The following CTNNA3 variants were observed in gnomAD, a reference collection of about 807,000 sequenced individuals.
CTNNA3 encodes the protein catenin alpha 3, also known as catenin alpha-3.
CTNNA3 carries 76 observed loss-of-function variants against 95.7 expected under a neutral mutation model. The observed-to-expected ratio is 0.79, with a 90% CI of 0.66 to 0.96. The LOEUF (loss-of-function observed/expected upper bound fraction) is 0.96, where lower values mean the gene tolerates loss of function less well. CTNNA3 is among the 40% of genes least tolerant of loss of function. The pLI, the probability that CTNNA3 is intolerant of heterozygous loss-of-function variation, is 0.00. For synonymous variants in CTNNA3, 431 were observed against 374.4 expected (o/e 1.15, Z -1.74); for missense variants, 1,191 against 1,089.8 (o/e 1.09, Z -1.31).
At chr10:66,094,264 G>T (rs1201824626) in intron 14 of CTNNA3, among the ~76,000 whole-genome samples, 1 of 152,044 alleles carries the variant, frequency 6.6e-6, no homozygotes, top group Non-Finnish European at 1.5e-5. Flanking sequence ...CGAGGAGGTA[G>T]CATTGAAGAG....
intron 13 of CTNNA3, among the ~76,000 whole-genome samples, chr10:66,117,074 G>A (rs2082372882): frequency 6.6e-6 from 1 of 152,094 alleles, no homozygotes; most frequent in Non-Finnish European, 1.5e-5. Context: ...ATCTGTAGTG[G>A]CAGAAATCAG....
intron 1 of CTNNA3, among the ~76,000 whole-genome samples, chr10:67,666,522 C>A (rs1474424270): frequency 6.6e-6 from 1 of 152,144 alleles, no homozygotes. Flanking sequence ...TCACAATACT[C>A]TGCACTGCTC....
At chr10:66,028,943 C>G (rs2079398244) in intron 15 of CTNNA3, among the ~76,000 whole-genome samples, 1 of 151,576 alleles carries the variant, frequency 6.6e-6, no homozygotes, top group Non-Finnish European at 1.5e-5. Flanking sequence ...AAAAATGAAA[C>G]TAAAAGGTAC....
chr10:66,515,502 A>G (rs1840817135), intron 11 of CTNNA3, among the ~76,000 whole-genome samples: 1 of 152,120 alleles, frequency 6.6e-6, no homozygotes, highest in Non-Finnish European at 1.5e-5. Flanking sequence ...CAAAAGAGGA[A>G]CCAGAAGTCT....
intron 17 of CTNNA3, among the ~76,000 whole-genome samples, chr10:65,928,733 C>G (rs2077204923): frequency 2.6e-5 from 4 of 152,150 alleles, no homozygotes; most frequent in Non-Finnish European, 5.9e-5. Flanking sequence ...CAGGAGGTTT[C>G]TGGCCTCTAA....
chr10:66,928,425 T>A, intron 7 of CTNNA3: 1 of 1,610,886 alleles, frequency 6.2e-7, no homozygotes, highest in Non-Finnish European at 8.5e-7. Flanking sequence ...CCTGCACCTA[T>A]AACAAATCGG....
intron 5 of CTNNA3, among the ~76,000 whole-genome samples, chr10:67,302,357 A>T (rs1217360469): frequency 6.6e-6 from 1 of 152,192 alleles, no homozygotes; most frequent in Admixed American, 6.5e-5. Context: ...TCTATTGTAC[A>T]ATATGGTGAC....
intron 9 of CTNNA3, among the ~76,000 whole-genome samples, chr10:66,696,557 T>A (rs1311662401): frequency 6.6e-6 from 1 of 152,170 alleles, no homozygotes; most frequent in Non-Finnish European, 1.5e-5. Flanking sequence ...ATTTTAGGCA[T>A]ATTCCTCTAG....
chr10:67,504,354 A>G (rs1161430055), intron 5 of CTNNA3, among the ~76,000 whole-genome samples: 7 of 144,746 alleles, frequency 4.8e-5, no homozygotes, highest in Non-Finnish European at 7.5e-5. Context: ...TCCGGAGGCT[A>G]AGGCAGGAGA....
intron 13 of CTNNA3, among the ~76,000 whole-genome samples, chr10:66,280,158 T>A (rs760803900): frequency 1.3e-5 from 2 of 152,068 alleles, no homozygotes; most frequent in Non-Finnish European, 2.9e-5. Context: ...CAAATTACTT[T>A]ATGTATTTTT....
chr10:66,978,552 A>AAATAAAAAATAAAAAAAAAATATATATAT, intron 7 of CTNNA3, among the ~76,000 whole-genome samples: 1 of 37,866 alleles, frequency 2.6e-5, no homozygotes, highest in Non-Finnish European at 4.8e-5. Flanking sequence ...AAAAAAAAAA[A>AAATAAAAAATAAAAAAAAAATATATATAT]ATATATATAT....
chr10:67,641,778 G>C (rs535941842), intron 2 of CTNNA3, among the ~76,000 whole-genome samples: 7 of 152,224 alleles, frequency 4.6e-5, no homozygotes, highest in Admixed American at 3.9e-4. Flanking sequence ...AACACCACGT[G>C]TTCTCACTCA....
intron 16 of CTNNA3, among the ~76,000 whole-genome samples, chr10:65,974,905 T>A (rs1021401867): frequency 6.6e-6 from 1 of 152,186 alleles, no homozygotes; most frequent in Non-Finnish European, 1.5e-5. Context: ...CTATAAAATG[T>A]TATTTTTTAA....
intron 6 of CTNNA3, among the ~76,000 whole-genome samples, chr10:67,193,246 T>C (rs1283700221): frequency 1.3e-5 from 2 of 152,034 alleles, no homozygotes; most frequent in Non-Finnish European, 2.9e-5. Context: ...CATTACACAA[T>C]GCACATGTAT....
chr10:66,017,104 C>T (rs1445889573), intron 15 of CTNNA3, among the ~76,000 whole-genome samples: 2 of 152,098 alleles, frequency 1.3e-5, no homozygotes, highest in East Asian at 3.9e-4. Context: ...TTTTCTTCAG[C>T]AACATGTGTC....
intron 9 of CTNNA3, among the ~76,000 whole-genome samples, chr10:66,643,134 A>T (rs750297671): frequency 4.6e-5 from 7 of 152,198 alleles, no homozygotes; most frequent in Non-Finnish European, 1.0e-4. Context: ...ACAAATCATC[A>T]CACAGTTTAG....
intron 5 of CTNNA3, among the ~76,000 whole-genome samples, chr10:67,468,918 C>T (rs1204765932): frequency 1.3e-5 from 2 of 152,160 alleles, no homozygotes; most frequent in Admixed American, 6.5e-5. Context: ...AAAACAATCA[C>T]TTCTCCTATT....
intron 10 of CTNNA3, among the ~76,000 whole-genome samples, chr10:66,563,484 A>T (rs1379434150): frequency 6.6e-6 from 1 of 152,122 alleles, no homozygotes; most frequent in African/African-American, 2.4e-5. Context: ...ACAGAAAAAA[A>T]GATTTTTTAA....
intron 10 of CTNNA3, among the ~76,000 whole-genome samples, chr10:66,614,247 C>A (rs1228585079): frequency 2.6e-5 from 4 of 152,034 alleles, no homozygotes; most frequent in Non-Finnish European, 5.9e-5. Context: ...GGAGTTTCTA[C>A]ACTCCCAGAA....
Sources: gnomAD v4.1 joint callset for allele counts (sites outside exome capture counted in the v4.1 genomes callset) on GRCh38, gnomAD v4.1.1 for gene constraint, MANE v1.5 for transcripts, NCBI Gene and HGNC (gene_info 2026-07-23, HGNC 2026-07-21) for gene names.